Variants in TUT4 observed in about 807,000 individuals in gnomAD.
TUT4 encodes terminal uridylyltransferase 4.
A neutral mutation model predicts 192.2 loss-of-function variants in TUT4; 36 were observed. That is an observed-to-expected ratio of 0.19 (90% CI 0.14 to 0.25). The LOEUF is 0.25. TUT4 is among the 10% of genes least tolerant of loss of function. The probability of loss-of-function intolerance (pLI) is 1.00; values close to 1 mark genes in which losing one functional copy is unlikely to be tolerated. For synonymous variants in TUT4, 618 were observed against 666.0 expected, an observed-to-expected ratio of 0.93 and a Z score of 1.11; for missense variants, 1,493 against 1,957.2, an observed-to-expected ratio of 0.76 and a Z score of 4.47.
chr1:52,528,178 C>CAAAAAAAAAAAAAAAAAAAAA (rs1557967335), intron 1 of TUT4, among the ~76,000 whole-genome samples: 2 of 143,372 alleles, frequency 1.4e-5, no homozygotes, highest in African/African-American at 5.2e-5. Flanking sequence ...GACTCCATCT[C>CAAAAAAAAAAAAAAAAAAAAA]GAAAAAAATA....
Position 52,431,323 on chromosome 1 carries a change from G to C in TUT4, c.4401C>G (p.Pro1467=). The C allele has an allele frequency of 2.5e-6, 4 of 1,614,184 alleles. No homozygotes were observed. The highest frequency in any genetic ancestry group is 2.5e-6 in the Non-Finnish European group (3 of 1,180,034). The change falls in exon 28 of 30, where the codon CCC becomes CCG. Residue 1467 remains proline, a synonymous_variant. Coordinates refer to ENST00000257177, the MANE Select transcript of TUT4 (RefSeq NM_001009881.3). ...TATACAGTGGCATCTGGACCTGATG[G>C]GGAGGTTGGGCTCCCTGCTGAGGTG... ...LGPPQQGAQP[P]HQVQMPLYNF...
Position 52,525,829 on chromosome 1 carries a change from T to C in TUT4, c.452A>G (p.Glu151Gly). The C allele has an allele frequency of 6.2e-7, 1 of 1,614,232 alleles. No individual in the cohort carries two copies. The highest frequency in any genetic ancestry group is 8.5e-7 in the Non-Finnish European group (1 of 1,180,038). ...EKASSYQMKSEKVPSSPAEAE... is the reference protein window; with the variant it reads ...EKASSYQMKSGKVPSSPAEAE... The stretch of plus-strand genomic sequence containing the variant: ...TTCTGCTGGTGAACTTGGTACTTTT[T>C]CTGACTTCATCTGATAACTGGATGC... Residue 151 changes from glutamate to glycine, a missense_variant, in exon 2 of 30, where the codon GAA (glutamate) becomes GGA (glycine). Glu to Gly is a moderately conservative substitution (Grantham distance 98, BLOSUM62 -2). This residue lies in a region of TUT4 where 260 missense variants were observed against 247.8 expected (regional missense o/e 1.05). Coordinates refer to ENST00000257177, the MANE Select transcript of TUT4 (RefSeq NM_001009881.3).
chr1:52,446,237 C>T, intron 22 of TUT4, 28 bp downstream of exon 22: 1 of 1,585,170 alleles, frequency 6.3e-7, no homozygotes, highest in Non-Finnish European at 8.5e-7. Context: ...TTTGGTTGCT[C>T]CTGAATTAAT....
At chr1:52,548,444 C>A (rs1430069899) in intron 1 of TUT4, among the ~76,000 whole-genome samples, 1 of 152,086 alleles carries the variant, frequency 6.6e-6, no homozygotes, top group Admixed American at 6.5e-5. Context: ...AATTTTGACA[C>A]CCTAAACTTG....
intron 14 of TUT4, among the ~76,000 whole-genome samples, chr1:52,469,170 C>G (rs1210302191): frequency 6.6e-6 from 1 of 152,002 alleles, no homozygotes; most frequent in Non-Finnish European, 1.5e-5. Flanking sequence ...AAAGAGTGAG[C>G]CTTAATGTAT....
chr1:52,424,107 A>C, intron 29 of TUT4, 105 bp from the exon 30 acceptor site: 7 of 1,138,708 alleles, frequency 6.1e-6, no homozygotes, highest in Non-Finnish European at 8.8e-6. Flanking sequence ...TATTTATATA[A>C]TAGGAGGTGA....
chr1:52,514,364 C>T (rs1459402865), intron 3 of TUT4, among the ~76,000 whole-genome samples: 1 of 152,116 alleles, frequency 6.6e-6, no homozygotes, highest in African/African-American at 2.4e-5. Flanking sequence ...TTGCTTGAAC[C>T]CAGGAGGTAG....
chr1:52,467,658 G>C (rs1482189863), intron 15 of TUT4, among the ~76,000 whole-genome samples: 1 of 151,992 alleles, frequency 6.6e-6, no homozygotes, highest in Non-Finnish European at 1.5e-5. Flanking sequence ...AAATTCAAAG[G>C]CTTTCTACCA....
At chr1:52,462,992 G>C (rs1663049421) in intron 16 of TUT4, 1 of 985,368 alleles carries the variant, frequency 1.0e-6, no homozygotes, top group South Asian at 4.7e-5. Context: ...GGATTTCAAA[G>C]AAACCATTAG....
chr1:52,434,331 A>G (rs1226385937), intron 27 of TUT4: 2 of 152,086 alleles, frequency 1.3e-5, no homozygotes, highest in African/African-American at 4.8e-5. Flanking sequence ...TGATTTTTAT[A>G]CTCTCTTATT....
Position 52,518,301 on chromosome 1 carries a change from G to A in TUT4, c.719-2247C>T, listed in dbSNP as rs115079843. ...GCCACAACAAAATACTACAGACTGG[G>A]TGGCTTAAACAACAGAAATTTATTT... is the stretch of plus-strand genomic sequence containing the variant. On this transcript the variant is annotated intron_variant, in intron 2 of 29. Transcript: ENST00000257177. 6.9e-3 allele frequency among the ~76,000 whole-genome samples: 1,053 copies of A among 152,308 alleles called. 13 individuals carry two copies. The highest frequency in any genetic ancestry group is 0.024 in the African/African-American group (991 of 41,562).
Position 52,461,730 on chromosome 1 carries a change from T to C in TUT4, c.3109A>G (p.Ile1037Val), listed in dbSNP as rs772655533. 6.7e-7 allele frequency: 1 copy of C among 1,490,246 alleles called. No homozygotes were observed. The highest frequency in any genetic ancestry group is 2.0e-5 in the Admixed American group (1 of 51,112). 92.3% of individuals were successfully genotyped at this position (1,490,246 alleles called of 1,614,324 possible). Residue 1037 changes from isoleucine (I) to valine (V), a missense_variant, in exon 17 of 30, where the codon ATT (isoleucine) becomes GTT (valine). Physicochemically the swap from Ile to Val is conservative, Grantham distance 29. This residue lies in a region of TUT4 where 141 missense variants were observed against 382.7 expected (regional missense o/e 0.37). Transcript: ENST00000257177. ...CKEIIENLAKILKRHPGLRNI... is the reference protein window; with the variant it reads ...CKEIIENLAKVLKRHPGLRNI... ...TTCATACCTGGATGTCTCTTAAGAA[T>C]TTTTGCCAAATTTTCAATTATTTCC...
At position 52,488,987 on chromosome 1, in the gene TUT4, A is replaced by G; in HGVS notation, c.1437T>C (p.Thr479=). 6.2e-7 allele frequency: 1 copy of G among 1,613,884 alleles called. No homozygotes were observed. Among genetic ancestry groups the G allele is most frequent in the Non-Finnish European group, 8.5e-7 (1 of 1,179,900 alleles). The stretch of plus-strand genomic sequence containing the variant: ...TGCCAAGGGCAGTAAGTAAATCAGT[A>G]GTGAGACATGCCATATCGTTTCCTG... The part of the protein sequence containing the change: ...VSAGNDMACL[T]TDLLTALGKI... The change falls in exon 9 of 30, where the codon ACT becomes ACC. Residue 479 remains threonine (T), a synonymous_variant. Coordinates refer to ENST00000257177, the MANE Select transcript of TUT4 (RefSeq NM_001009881.3).
chr1:52,431,566 G>T, intron 27 of TUT4, 106 bp from the exon 28 acceptor site: 2 of 883,470 alleles, frequency 2.3e-6, no homozygotes, highest in Non-Finnish European at 3.2e-6. Flanking sequence ...AGAACTCTAT[G>T]ATGTATATCA....
intron 24 of TUT4, among the ~76,000 whole-genome samples, chr1:52,442,262 G>A (rs1399494310): frequency 1.3e-5 from 2 of 151,820 alleles, no homozygotes; most frequent in African/African-American, 4.8e-5. Flanking sequence ...TGATGGATAG[G>A]GACAAAATGG....
At position 52,499,719 on chromosome 1, in the gene TUT4, C is replaced by T. The variant is rs1673560703; in HGVS notation, c.1000-2536G>A. ...ACTGCAGTCCAGCTTGAGCAACAAACAAGACCTTGTTTCAAAAAAATAAAA... is the reference window on the plus strand; with the variant it reads ...ACTGCAGTCCAGCTTGAGCAACAAATAAGACCTTGTTTCAAAAAAATAAAA... On this transcript the variant is annotated intron_variant, in intron 4 of 29. Coordinates refer to ENST00000257177, the MANE Select transcript of TUT4 (RefSeq NM_001009881.3). 2.6e-5 allele frequency among the ~76,000 whole-genome samples: 4 copies of T among 151,288 alleles called. No individual in the cohort carries two copies. The South Asian group carries it at 8.5e-4, about 32-fold the overall frequency.
intron 1 of TUT4, among the ~76,000 whole-genome samples, chr1:52,537,481 G>A (rs536792352): frequency 6.6e-6 from 1 of 152,008 alleles, no homozygotes; most frequent in African/African-American, 2.4e-5. Context: ...CTAAAATACA[G>A]GAAACAAAAG....
At chr1:52,518,514 C>T (rs1420094591) in intron 2 of TUT4, among the ~76,000 whole-genome samples, 2 of 152,104 alleles carry the variant, frequency 1.3e-5, no homozygotes, top group Admixed American at 6.6e-5. Context: ...CCATTATGAC[C>T]TCATTTAACC....
chr1:52,550,641 C>T (rs1689196348), intron 1 of TUT4, among the ~76,000 whole-genome samples: 1 of 151,920 alleles, frequency 6.6e-6, no homozygotes. Context: ...TACAGACGCA[C>T]ACCACCACGC....
Sources: gnomAD v4.1 joint callset for allele counts (sites outside exome capture counted in the v4.1 genomes callset) on GRCh38, gnomAD v4.1.1 for gene constraint, gnomAD v4.1.1 regional missense constraint, MANE v1.5 for transcripts, NCBI Gene and HGNC (gene_info 2026-07-23, HGNC 2026-07-21) for gene names.